The following GRB10 variants were observed in gnomAD, a reference collection of about 807,000 sequenced individuals.
GRB10 encodes growth factor receptor-bound protein 10.
Under a neutral mutation model 80.9 loss-of-function variants are expected in GRB10, and 20 were observed. The ratio of observed to expected loss-of-function variants is 0.25; its 90% confidence interval spans 0.17 to 0.36. The LOEUF (loss-of-function observed/expected upper bound fraction) is 0.36. GRB10 is among the 10% of genes least tolerant of loss of function. The pLI is 1.00. For missense variants in GRB10, 548 were observed against 747.7 expected (o/e 0.73, Z 3.12); for synonymous variants, 291 against 291.5 (o/e 1.00, Z 0.02).
At chr7:50,608,080 T>C (rs373877664) in intron 13 of GRB10, among the ~76,000 whole-genome samples, 1 of 152,124 alleles carries the variant, frequency 6.6e-6, no homozygotes, top group Non-Finnish European at 1.5e-5. Context: ...AAATATTTGA[T>C]GAGATAATGC....
chr7:50,687,481 G>A (rs1168177253), intron 5 of GRB10, among the ~76,000 whole-genome samples: 2 of 152,296 alleles, frequency 1.3e-5, no homozygotes, highest in African/African-American at 4.8e-5. Context: ...TTCAACGTCT[G>A]CCCTGGGCTT....
intron 8 of GRB10, among the ~76,000 whole-genome samples, chr7:50,619,561 G>A (rs2051280769): frequency 6.6e-6 from 1 of 152,190 alleles, no homozygotes; most frequent in African/African-American, 2.4e-5. Context: ...GAGCCCGTAA[G>A]ACTCTTAGCA....
chr7:50,791,146 T>A (rs534402740), intron 1 of GRB10, among the ~76,000 whole-genome samples: 1 of 152,304 alleles, frequency 6.6e-6, no homozygotes, highest in East Asian at 1.9e-4. Flanking sequence ...TAATATGCAA[T>A]AGATGACTTT....
At chr7:50,772,404 G>A (rs910183532) in intron 2 of GRB10, among the ~76,000 whole-genome samples, 6 of 152,160 alleles carry the variant, frequency 3.9e-5, no homozygotes, top group East Asian at 1.9e-4. Flanking sequence ...AATCATTCCC[G>A]AAACATTCCA....
intron 5 of GRB10, among the ~76,000 whole-genome samples, chr7:50,696,945 T>C (rs998802783): frequency 2.0e-5 from 3 of 152,154 alleles, no homozygotes; most frequent in African/African-American, 4.8e-5. Flanking sequence ...AAAAATAAAA[T>C]GTGGTCCATC....
At chr7:50,613,634 G>A (rs2049987275) in intron 12 of GRB10, among the ~76,000 whole-genome samples, 1 of 152,352 alleles carries the variant, frequency 6.6e-6, no homozygotes, top group East Asian at 1.9e-4. Context: ...CTGGTGCTAT[G>A]AGAGAAGCAG....
In GRB10 at chr7:50,775,177, A is replaced by AAAAAAAAAAAAAC. The variant is rs1386544032; in HGVS notation, c.-217+5449_-217+5450insGTTTTTTTTTTTT. On this transcript the variant is annotated intron_variant, in intron 2 of 18. Transcript: ENST00000401949. ...TCCTGTCTCCAAAAAAAAAAAACAAAAAAAAACAGTGGAACAGACAAAGAA... is the reference window on the plus strand; with the variant it reads ...TCCTGTCTCCAAAAAAAAAAAACAAAAAAAAAAAAAAACAAAAAACAGTGGAACAGACAAAGAA... Among the ~76,000 whole-genome samples the AAAAAAAAAAAAAC allele has an allele frequency of 1.3e-5, 2 of 148,328 alleles. 1 individual carries two copies.
upstream of GRB10, among the ~76,000 whole-genome samples, chr7:50,785,868 T>A (rs375965426): frequency 4.6e-5 from 7 of 152,168 alleles, no homozygotes; most frequent in East Asian, 1.3e-3. Context: ...ACAAATGAGA[T>A]AGACGTATCT....
At chr7:50,742,728 T>C (rs891868922) in intron 3 of GRB10, among the ~76,000 whole-genome samples, 3 of 129,928 alleles carry the variant, frequency 2.3e-5, no homozygotes, top group African/African-American at 5.8e-5. Flanking sequence ...ATCTCGGGGA[T>C]GGGGAGGGGG....
chr7:50,672,303 C>CG (rs1563379420), intron 6 of GRB10, among the ~76,000 whole-genome samples: 1 of 152,200 alleles, frequency 6.6e-6, no homozygotes, highest in Admixed American at 6.5e-5. Flanking sequence ...GTTACCGCCC[C>CG]GCTGTGCCAC....
At chr7:50,753,712 A>C (rs2074546501) in intron 3 of GRB10, among the ~76,000 whole-genome samples, 1 of 152,202 alleles carries the variant, frequency 6.6e-6, no homozygotes, top group Admixed American at 6.5e-5. Context: ...TGATCATCAG[A>C]TTTCAAGCCA....
rs1253294351 is a variant in GRB10 at position 50,782,817 on chromosome 7, AG to A, written c.-721del. On this transcript the variant is annotated 5_prime_UTR_variant, in exon 1 of 19. Coordinates refer to ENST00000401949, the MANE Select transcript of GRB10 (RefSeq NM_001350814.2). The surrounding 1 kb of genome is among the most constrained non-coding windows in gnomAD (Gnocchi z 6.6). ...CGGCTGCCGCCCGGCTGCAATACTC[AG>A]CCTCCGAGGGACTGGGCGCTCCTGA... 6.6e-6 allele frequency: 1 copy of A among 152,018 alleles called. No homozygotes were observed. 9.4% of individuals were successfully genotyped at this position (152,018 alleles called of 1,614,324 possible). A position where few individuals can be genotyped will look rare whatever the true frequency, so the allele number is the denominator to read the frequency against.
At chr7:50,614,697 C>T (rs1056443481) in intron 12 of GRB10, 73 bp downstream of exon 12, 42 of 904,596 alleles carry the variant, frequency 4.6e-5, no homozygotes, top group Non-Finnish European at 7.1e-5. Context: ...CAATCAAGTG[C>T]TGGGCAAGAG....
chr7:50,683,749 TAAAAAAC>T (rs1259853539), intron 5 of GRB10, among the ~76,000 whole-genome samples: 1 of 128,736 alleles, frequency 7.8e-6, no homozygotes, highest in Non-Finnish European at 1.8e-5. Context: ...AAAAAATAAA[TAAAAAAC>T]AAAAAATAAA....
chr7:50,621,338 GT>G (rs2051702876), intron 8 of GRB10, among the ~76,000 whole-genome samples: 1 of 152,258 alleles, frequency 6.6e-6, no homozygotes, highest in African/African-American at 2.4e-5. Flanking sequence ...CCGGTGGGCT[GT>G]GAAACTGACT....
chr7:50,657,202 A>G (rs1310127393), intron 7 of GRB10, among the ~76,000 whole-genome samples: 1 of 152,260 alleles, frequency 6.6e-6, no homozygotes, highest in African/African-American at 2.4e-5. Flanking sequence ...CCGAGGGGCC[A>G]GGAACTCGAC....
intron 4 of GRB10, among the ~76,000 whole-genome samples, chr7:50,718,675 A>AG (rs779970253): frequency 1.8e-4 from 27 of 152,320 alleles, no homozygotes; most frequent in Middle Eastern, 3.4e-3. Flanking sequence ...CATTAAGGGC[A>AG]GGTTTCAAAA....
At chr7:50,775,018 G>A (rs2077435579) in intron 2 of GRB10, among the ~76,000 whole-genome samples, 1 of 150,542 alleles carries the variant, frequency 6.6e-6, no homozygotes, top group Admixed American at 6.6e-5. Context: ...AAAACTAGCT[G>A]GGCGTGATGG....
chr7:50,714,856 T>C (rs1443966965), intron 4 of GRB10, among the ~76,000 whole-genome samples: 2 of 151,996 alleles, frequency 1.3e-5, no homozygotes, highest in Non-Finnish European at 2.9e-5. Flanking sequence ...GTGAGAGTGA[T>C]CAACAGAGCC....
Sources: allele counts gnomAD v4.1 joint callset (sites outside exome capture counted in the v4.1 genomes callset), GRCh38; gene constraint gnomAD v4.1.1; non-coding constraint Gnocchi (gnomAD v3.1); transcripts MANE v1.5; gene names NCBI Gene and HGNC (gene_info 2026-07-23, HGNC 2026-07-21).